The following DPYD variants were observed in gnomAD, a reference collection of about 807,000 sequenced individuals.
DPYD encodes the protein dihydropyrimidine dehydrogenase, also known as dihydropyrimidine dehydrogenase [NADP(+)].
Under a neutral mutation model 116.2 loss-of-function variants are expected in DPYD, and 109 were observed. The ratio of observed to expected loss-of-function variants is 0.94; its 90% CI spans 0.80 to 1.10. The LOEUF (loss-of-function observed/expected upper bound fraction) is 1.10, where lower values mean the gene tolerates loss of function less well. Among genes scored for constraint, DPYD ranks in the 50% least tolerant of loss-of-function variants. The probability of loss-of-function intolerance (pLI) is 0.00; values close to 1 mark genes in which losing one functional copy is unlikely to be tolerated. For missense variants in DPYD, 1,302 were observed against 1,254.5 expected (o/e 1.04, Z -0.57); for synonymous variants, 440 against 432.0 (o/e 1.02, Z -0.23).
intron 5 of DPYD, among the ~76,000 whole-genome samples, chr1:97,705,675 T>C (rs1661903567): frequency 6.6e-6 from 1 of 152,070 alleles, no homozygotes; most frequent in Admixed American, 6.6e-5. Context: ...GGTCAAATGG[T>C]ATTTCCAGTT....
intron 12 of DPYD, among the ~76,000 whole-genome samples, chr1:97,532,035 G>A (rs1265537507): frequency 6.6e-6 from 1 of 151,840 alleles, no homozygotes; most frequent in Non-Finnish European, 1.5e-5. Context: ...AGTTTTCAGG[G>A]TTTTGTATGT....
chr1:97,628,271 C>A lies in DPYD; in HGVS notation c.851-33105G>T, dbSNP rs58077966. ...TGCTGTAAGGACCTATTTCTAAATT[C>A]TTCCCATGTGTCCTCATCATTCCTC... is the stretch of plus-strand genomic sequence containing the variant. On this transcript the variant is annotated intron_variant, in intron 8 of 22. Transcript: ENST00000370192. 4.6e-3 allele frequency among the ~76,000 whole-genome samples: 693 copies of A among 152,116 alleles called. 8 individuals are homozygous for A. Among genetic ancestry groups the A allele is most frequent in the African/African-American group, 0.016 (654 of 41,524 alleles).
At chr1:97,250,028 T>C (rs891356764) in intron 18 of DPYD, among the ~76,000 whole-genome samples, 11 of 152,116 alleles carry the variant, frequency 7.2e-5, no homozygotes, top group Admixed American at 1.3e-4. Context: ...TCCCAGCACT[T>C]TGGGAGGCCA....
At chr1:97,793,848 C>G (rs1224734857) in intron 3 of DPYD, among the ~76,000 whole-genome samples, 1 of 152,112 alleles carries the variant, frequency 6.6e-6, no homozygotes, top group African/African-American at 2.4e-5. Flanking sequence ...CACATCATAG[C>G]ACAAGAAATT....
At chr1:97,274,957 C>T (rs1188611717) in intron 18 of DPYD, among the ~76,000 whole-genome samples, 2 of 152,114 alleles carry the variant, frequency 1.3e-5, no homozygotes, top group East Asian at 3.9e-4. Flanking sequence ...GGGGTAAGGG[C>T]TTCTAAAGTA....
At chr1:97,205,226 CA>C in intron 19 of DPYD, among the ~76,000 whole-genome samples, 1 of 152,050 alleles carries the variant, frequency 6.6e-6, no homozygotes, top group African/African-American at 2.4e-5. Context: ...TGGTTTTTGA[CA>C]AATGTATAAT....
chr1:97,762,272 A>T (rs1247479658), intron 3 of DPYD, among the ~76,000 whole-genome samples: 1 of 152,186 alleles, frequency 6.6e-6, no homozygotes, highest in Non-Finnish European at 1.5e-5. Flanking sequence ...GTTACTGGAG[A>T]ACTCATATAA....
chr1:97,488,965 T>C (rs1289490720), intron 13 of DPYD, among the ~76,000 whole-genome samples: 1 of 152,218 alleles, frequency 6.6e-6, no homozygotes, highest in Admixed American at 6.5e-5. Flanking sequence ...CTGCTGTGTA[T>C]GCTGCCGCTT....
At chr1:97,690,094 T>C (rs549290739) in intron 7 of DPYD, among the ~76,000 whole-genome samples, 1 of 152,232 alleles carries the variant, frequency 6.6e-6, no homozygotes, top group East Asian at 1.9e-4. Flanking sequence ...ATCAGATTCT[T>C]ATATCTTTCT....
chr1:97,655,333 T>G (rs1285942332), intron 8 of DPYD, among the ~76,000 whole-genome samples: 1 of 152,200 alleles, frequency 6.6e-6, no homozygotes, highest in African/African-American at 2.4e-5. Context: ...TATGTACATC[T>G]TTTTCCTTAG....
chr1:97,093,250 A>C (rs1650012720), intron 21 of DPYD, among the ~76,000 whole-genome samples: 1 of 152,070 alleles, frequency 6.6e-6, no homozygotes, highest in African/African-American at 2.4e-5. Flanking sequence ...TGTTTTATTT[A>C]TTGCCCTGCA....
rs12076723 is a variant in DPYD at position 97,781,525 on chromosome 1, T to C, written c.234-41046A>G. 6.9e-3 allele frequency among the ~76,000 whole-genome samples: 1,048 copies of C among 152,270 alleles called. 10 individuals are homozygous for C. The highest frequency in any genetic ancestry group is 0.024 in the African/African-American group (991 of 41,558). On this transcript the variant is annotated intron_variant, in intron 3 of 22. Transcript: ENST00000370192. ...CATCATTAAACCCTTCTTTAACAAC[T>C]AGAGTCTTGTTTAGGGTAGAAAAAA...
At chr1:97,745,833 G>C (rs1328950553) in intron 3 of DPYD, among the ~76,000 whole-genome samples, 1 of 151,976 alleles carries the variant, frequency 6.6e-6, no homozygotes, top group Admixed American at 6.6e-5. Context: ...TCCCATCTAC[G>C]TACAAAAACA....
intron 20 of DPYD, among the ~76,000 whole-genome samples, chr1:97,185,088 T>C (rs1346727405): frequency 6.6e-6 from 1 of 152,120 alleles, no homozygotes; most frequent in Non-Finnish European, 1.5e-5. Flanking sequence ...TTGGATTTTG[T>C]CAAATGCTTT....
intron 8 of DPYD, among the ~76,000 whole-genome samples, chr1:97,612,983 G>C (rs1036162152): frequency 1.3e-5 from 2 of 151,934 alleles, no homozygotes; most frequent in Non-Finnish European, 2.9e-5. Context: ...GAATAATCTA[G>C]AATGAATGTT....
chr1:97,248,022 A>C (rs985767783), intron 18 of DPYD, among the ~76,000 whole-genome samples: 2 of 152,226 alleles, frequency 1.3e-5, no homozygotes, highest in African/African-American at 4.8e-5. Context: ...AAGCCAGTAT[A>C]ATCTTGATAT....
chr1:97,229,277 A>G (rs1421446888), intron 19 of DPYD, among the ~76,000 whole-genome samples: 35 of 150,284 alleles, frequency 2.3e-4, no homozygotes, highest in Non-Finnish European at 3.0e-5. Context: ...ATAAAAAGAA[A>G]TACTGACTAG....
chr1:97,778,391 G>GA (rs1557954226), intron 3 of DPYD, among the ~76,000 whole-genome samples: 3 of 151,666 alleles, frequency 2.0e-5, no homozygotes, highest in African/African-American at 7.3e-5. Context: ...TTATTAACAA[G>GA]AAAAAAAATC....
intron 4 of DPYD, among the ~76,000 whole-genome samples, chr1:97,732,297 A>G (rs1663665106): frequency 6.6e-6 from 1 of 152,078 alleles, no homozygotes; most frequent in Non-Finnish European, 1.5e-5. Context: ...TAACACGGTG[A>G]AACCTCGTCT....
Sources: gnomAD v4.1 joint callset for allele counts (sites outside exome capture counted in the v4.1 genomes callset) on GRCh38, gnomAD v4.1.1 for gene constraint, MANE v1.5 for transcripts, NCBI Gene and HGNC (gene_info 2026-07-23, HGNC 2026-07-21) for gene names.